The following UBQLN1 variants were observed in gnomAD, a reference collection of about 807,000 sequenced individuals.
The protein encoded by UBQLN1 is ubiquilin 1, also known as ubiquilin-1.
A neutral mutation model predicts 65.4 loss-of-function variants in UBQLN1; 13 were observed. The ratio of observed to expected loss-of-function variants is 0.20; its 90% CI spans 0.13 to 0.32. The LOEUF is 0.32. Ranked by LOEUF, UBQLN1 falls within the 10% of genes least tolerant of loss-of-function variation. UBQLN1 has a pLI of 1.00. For missense variants in UBQLN1, 561 were observed against 724.0 expected (o/e 0.77, Z 2.58); for synonymous variants, 267 against 247.8 (o/e 1.08, Z -0.73).
At chr9:83,674,335 A>G (rs571841464) in intron 6 of UBQLN1, among the ~76,000 whole-genome samples, 1 of 152,342 alleles carries the variant, frequency 6.6e-6, no homozygotes, top group African/African-American at 2.4e-5. Context: ...CAATGACACT[A>G]AAAGAATACA....
chr9:83,665,611 C>T (rs946991899), intron 8 of UBQLN1, among the ~76,000 whole-genome samples: 1 of 152,150 alleles, frequency 6.6e-6, no homozygotes, highest in African/African-American at 2.4e-5. Context: ...TACATGTATC[C>T]TGAGTTTAGC....
intron 1 of UBQLN1, among the ~76,000 whole-genome samples, chr9:83,703,697 G>A (rs1027950343): frequency 6.6e-6 from 1 of 151,954 alleles, no homozygotes; most frequent in African/African-American, 2.4e-5. Context: ...AAAAATTTAT[G>A]TTACTCAGTT....
In UBQLN1 at chr9:83,665,207, A is replaced by C. The variant is rs73476345; in HGVS notation, c.1333-62T>G. On this transcript the variant is annotated intron_variant, in intron 8 of 10. Coordinates refer to ENST00000376395, the MANE Select transcript of UBQLN1 (RefSeq NM_013438.5). ...TAAAATCAGTGAACGTAAATTTTTA[A>C]ATCTTTTCTCTGTTATGCTTCTGGA... 3.0e-3 allele frequency: 3,890 copies of C among 1,280,392 alleles called. 56 individuals carry two copies. The African/African-American group carries it at 0.036, about 12-fold the overall frequency. 79.3% of individuals were successfully genotyped at this position (1,280,392 alleles called of 1,614,324 possible). A position where few individuals can be genotyped will look rare whatever the true frequency, so the allele number is the denominator to read the frequency against.
intron 1 of UBQLN1, among the ~76,000 whole-genome samples, chr9:83,694,687 T>C (rs542847802): frequency 1.1e-4 from 17 of 152,316 alleles, no homozygotes; most frequent in African/African-American, 4.1e-4. Context: ...AGGATAGATA[T>C]ACTTCCTTCT....
At position 83,660,438 on chromosome 9, in the gene UBQLN1, G is replaced by GT. The variant is rs879688592; in HGVS notation, c.*1348_*1349insA. ...AATTATGTTTTAATTGGTCCTAAAGGAATGTACCACCCCAACAGTTTGGGA... is the reference window on the plus strand; with the variant it reads ...AATTATGTTTTAATTGGTCCTAAAGGTAATGTACCACCCCAACAGTTTGGGA... On this transcript the variant is annotated 3_prime_UTR_variant, in exon 11 of 11. Transcript: ENST00000376395. The GT allele has an allele frequency of 5.2e-5, 8 of 152,586 alleles. No individual in the cohort carries two copies. The highest frequency in any genetic ancestry group is 1.0e-4 in the Non-Finnish European group (7 of 68,026). 9.5% of individuals were successfully genotyped at this position (152,586 alleles called of 1,614,324 possible).
At chr9:83,669,117 C>T in intron 7 of UBQLN1, 68 bp downstream of exon 7, 1 of 1,539,628 alleles carries the variant, frequency 6.5e-7, no homozygotes, top group South Asian at 1.2e-5. Context: ...GTGCCAAAAT[C>T]ACAATTACAA....
chr9:83,707,337 A>T (rs892356777), intron 1 of UBQLN1, among the ~76,000 whole-genome samples, 163 bp downstream of exon 1: 1 of 152,124 alleles, frequency 6.6e-6, no homozygotes, highest in Non-Finnish European at 1.5e-5. Flanking sequence ...GCGGTGTCCC[A>T]AGGCGCAAAC....
chr9:83,694,662 C>A (rs369384141), intron 1 of UBQLN1, among the ~76,000 whole-genome samples: 3 of 152,162 alleles, frequency 2.0e-5, no homozygotes, highest in Non-Finnish European at 2.9e-5. Flanking sequence ...CTAAATGTTT[C>A]ACTATTCACA....
intron 9 of UBQLN1, 78 bp from the exon 10 acceptor site, chr9:83,664,121 T>C: frequency 6.8e-7 from 1 of 1,480,760 alleles, no homozygotes; most frequent in Admixed American, 2.1e-5. Flanking sequence ...TACATTTTAA[T>C]ATAAGCTAAG....
At chr9:83,667,634 G>A (rs1016214344) in intron 7 of UBQLN1, 3 of 985,206 alleles carry the variant, frequency 3.0e-6, no homozygotes, top group Non-Finnish European at 3.6e-6. Context: ...ACATATTAAC[G>A]AGGTTATCAC....
intron 1 of UBQLN1, among the ~76,000 whole-genome samples, chr9:83,698,890 G>A (rs112108138): frequency 0.012 from 1,860 of 150,978 alleles, 37 homozygotes; most frequent in African/African-American, 0.04. Flanking sequence ...CTCCAGCCTG[G>A]GTGACAAAGT....
At chr9:83,675,275 C>G (rs1330087452) in intron 6 of UBQLN1, among the ~76,000 whole-genome samples, 2 of 152,170 alleles carry the variant, frequency 1.3e-5, no homozygotes, top group African/African-American at 4.8e-5. Context: ...CCTGCCAACC[C>G]TCCAACAACC....
At chr9:83,684,084 G>T (rs1027237619) in intron 2 of UBQLN1, among the ~76,000 whole-genome samples, 9 of 152,060 alleles carry the variant, frequency 5.9e-5, no homozygotes, top group African/African-American at 2.2e-4. Flanking sequence ...TAGTTCTTGA[G>T]GGTTATGAGC....
chr9:83,691,069 C>T (rs934854406), intron 1 of UBQLN1, among the ~76,000 whole-genome samples: 1 of 151,050 alleles, frequency 6.6e-6, no homozygotes, highest in Non-Finnish European at 1.5e-5. Context: ...ACCCAGGAGG[C>T]AGAGATTGCA....
intron 6 of UBQLN1, among the ~76,000 whole-genome samples, chr9:83,670,822 T>C (rs2780998): frequency 0.7 from 106,629 of 151,694 alleles, 38,320 homozygotes; most frequent in East Asian, 0.88. Flanking sequence ...GTCATTTCAA[T>C]AATGTTCACA....
chr9:83,706,136 T>TA (rs1424352300), intron 1 of UBQLN1, among the ~76,000 whole-genome samples: 3 of 151,718 alleles, frequency 2.0e-5, no homozygotes, highest in African/African-American at 4.9e-5. Context: ...CAAAAAAACG[T>TA]AAAAAATGAA....
rs977635781 is a variant in UBQLN1 at position 83,660,539 on chromosome 9, A to C, written c.*1248T>G. ...GCCAAATGTACTCAACATCATTAAA[A>C]CGGCTCTTTGTTTTTCACCCCTGAA... On this transcript the variant is annotated 3_prime_UTR_variant, in exon 11 of 11. Transcript: ENST00000376395. 3 of 152,416 alleles carry C rather than the reference A, an allele frequency of 2.0e-5. No individual in the cohort carries two copies. Among genetic ancestry groups the C allele is most frequent in the African/African-American group, 7.2e-5 (3 of 41,432 alleles). The allele number at this position is 152,416 out of a possible 1,614,324, so 9.4% of individuals were successfully genotyped here. A position where few individuals can be genotyped will look rare whatever the true frequency, so the allele number is the denominator to read the frequency against.
In UBQLN1 at chr9:83,677,753, G is replaced by A. The variant is rs757898207; in HGVS notation, c.1079C>T (p.Ala360Val). 137 of 1,612,910 alleles carry A rather than the reference G, an allele frequency of 8.5e-5. 1 individual carries two copies. The highest frequency in any genetic ancestry group is 1.0e-4 in the Non-Finnish European group (122 of 1,179,318). Residue 360 changes from alanine (A) to valine (V), a missense_variant, in exon 6 of 11, where the codon GCG (alanine) becomes GTG (valine). By Grantham distance (64) the Ala-to-Val change is moderately conservative. This residue lies in a region of UBQLN1 where 89 missense variants were observed against 77.8 expected (regional missense o/e 1.14). Coordinates refer to ENST00000376395, the MANE Select transcript of UBQLN1 (RefSeq NM_013438.5). ...ASGTSGQSTT[A>V]PNLVPGVGAS... The stretch of plus-strand genomic sequence containing the variant: ...TCCTACTCCAGGCACCAAATTTGGC[G>A]CAGTAGTACTCTGCCCAGAAGTGCC...
chr9:83,682,955 A>G lies in UBQLN1; in HGVS notation c.444T>C (p.Gly148=), dbSNP rs1246173392. The change falls in exon 3 of 11, where the codon GGT becomes GGC. Residue 148 remains glycine (G), a synonymous_variant. Coordinates refer to ENST00000376395, the MANE Select transcript of UBQLN1 (RefSeq NM_013438.5). ...GGAATGACTAAAGACACTTACCTAAACCAAAAGGGTTGCTAGTAGCAGAAC... is the reference window on the plus strand; with the variant it reads ...GGAATGACTAAAGACACTTACCTAAGCCAAAAGGGTTGCTAGTAGCAGAAC... The part of the protein sequence containing the change: ...TSGSATSNPF[G]LGGLGGLAGL... The G allele has an allele frequency of 6.2e-7, 1 of 1,605,568 alleles. No individual in the cohort carries two copies. Among genetic ancestry groups the G allele is most frequent in the African/African-American group, 1.3e-5 (1 of 74,726 alleles).
Sources: allele counts gnomAD v4.1 joint callset (sites outside exome capture counted in the v4.1 genomes callset), GRCh38; gene constraint gnomAD v4.1.1; regional missense constraint gnomAD v4.1.1; transcripts MANE v1.5; gene names NCBI Gene and HGNC (gene_info 2026-07-23, HGNC 2026-07-21).